CNTNAP5: variants seen among roughly 807,000 people sequenced by gnomAD.
CNTNAP5 encodes the protein contactin associated protein family member 5.
In CNTNAP5, 72 loss-of-function variants were observed where a neutral mutation model predicts 150.2. The ratio of observed to expected loss-of-function variants is 0.48; its 90% CI spans 0.40 to 0.58. The LOEUF (loss-of-function observed/expected upper bound fraction) is 0.58, where lower values mean the gene tolerates loss of function less well. Ranked by LOEUF, CNTNAP5 falls within the 20% of genes least tolerant of loss-of-function variation. CNTNAP5 has a pLI of 0.00. For synonymous variants in CNTNAP5, 672 were observed against 619.8 expected, an observed-to-expected ratio of 1.08 and a Z score of -1.25; for missense variants, 1,636 against 1,626.2, an observed-to-expected ratio of 1.01 and a Z score of -0.10.
Position 124,791,265 on chromosome 2 carries a change from C to A in CNTNAP5, c.2992+1124C>A, listed in dbSNP as rs952895082. Among the ~76,000 whole-genome samples the A allele has an allele frequency of 5.3e-5, 8 of 152,188 alleles. 1 individual carries two copies. Among genetic ancestry groups the A allele is most frequent in the Middle Eastern group, 6.3e-3 (2 of 316 alleles). ...CCGTTCATTCATACAGGGGCCTTCT[C>A]CTGAATTAGTTTGAATTACTTACTT... On this transcript the variant is annotated intron_variant, in intron 18 of 23. Coordinates refer to ENST00000682447, the MANE Select transcript of CNTNAP5 (RefSeq NM_001367498.1).
intron 12 of CNTNAP5, among the ~76,000 whole-genome samples, chr2:124,615,683 A>G (rs1677479752): frequency 6.6e-6 from 1 of 152,220 alleles, no homozygotes; most frequent in Non-Finnish European, 1.5e-5. Flanking sequence ...AATGAGATCT[A>G]CAATGGCAAA....
intron 3 of CNTNAP5, among the ~76,000 whole-genome samples, chr2:124,305,436 T>G (rs1378011834): frequency 1.3e-5 from 2 of 152,206 alleles, no homozygotes; most frequent in Non-Finnish European, 2.9e-5. Flanking sequence ...CTATAAGTTA[T>G]TAGTTTGACA....
chr2:124,519,628 C>T (rs1279864870), intron 8 of CNTNAP5, among the ~76,000 whole-genome samples: 1 of 152,184 alleles, frequency 6.6e-6, no homozygotes, highest in East Asian at 1.9e-4. Context: ...ACTTGACCTC[C>T]AGGACTATTG....
At chr2:124,648,405 C>T (rs2105028526) in intron 13 of CNTNAP5, among the ~76,000 whole-genome samples, 1 of 152,064 alleles carries the variant, frequency 6.6e-6, no homozygotes, top group South Asian at 2.1e-4. Flanking sequence ...GCCTGGATGC[C>T]TAAGGGGGCA....
intron 3 of CNTNAP5, among the ~76,000 whole-genome samples, chr2:124,377,891 G>A (rs1415883344): frequency 6.6e-6 from 1 of 152,032 alleles, no homozygotes; most frequent in East Asian, 1.9e-4. Context: ...CATCCACCCT[G>A]TAAATCTTAA....
At chr2:124,161,062 G>T (rs1164037480) in intron 1 of CNTNAP5, among the ~76,000 whole-genome samples, 1 of 152,118 alleles carries the variant, frequency 6.6e-6, no homozygotes, top group Non-Finnish European at 1.5e-5. Context: ...AGGAAGTATA[G>T]ATAATAAAGG....
At chr2:124,855,164 T>G (rs2104707537) in intron 19 of CNTNAP5, among the ~76,000 whole-genome samples, 1 of 138,800 alleles carries the variant, frequency 7.2e-6, no homozygotes, top group African/African-American at 2.9e-5. Flanking sequence ...CCTTGGGCTT[T>G]TGCTTTTTTT....
At chr2:124,222,502 G>C (rs1012620761) in intron 2 of CNTNAP5, among the ~76,000 whole-genome samples, 1 of 151,978 alleles carries the variant, frequency 6.6e-6, no homozygotes, top group African/African-American at 2.4e-5. Flanking sequence ...AATTTTTAAG[G>C]ACTTTTAGGT....
chr2:124,458,228 ATATATAT>A (rs1693166881), intron 6 of CNTNAP5, among the ~76,000 whole-genome samples: 1 of 141,956 alleles, frequency 7.0e-6, no homozygotes, highest in African/African-American at 2.6e-5. Flanking sequence ...TATATAATAA[ATATATAT>A]TATATATAAT....
chr2:124,361,542 C>T (rs937237272), intron 3 of CNTNAP5, among the ~76,000 whole-genome samples: 11 of 146,090 alleles, frequency 7.5e-5, no homozygotes, highest in African/African-American at 2.9e-4. Context: ...GGACCCTCAG[C>T]TGCAGGTCTG....
chr2:124,168,350 C>T (rs548583472), intron 1 of CNTNAP5, among the ~76,000 whole-genome samples: 241 of 152,258 alleles, frequency 1.6e-3, no homozygotes, highest in African/African-American at 5.5e-3. Flanking sequence ...CTTTATCGTG[C>T]TAATGCATAT....
chr2:124,612,574 G>A (rs1265024622), intron 12 of CNTNAP5, among the ~76,000 whole-genome samples: 1 of 152,086 alleles, frequency 6.6e-6, no homozygotes, highest in Non-Finnish European at 1.5e-5. Flanking sequence ...AGGTGAGTGT[G>A]TACTTGTATT....
chr2:124,599,626 A>G (rs1696933400), intron 11 of CNTNAP5, among the ~76,000 whole-genome samples: 1 of 152,192 alleles, frequency 6.6e-6, no homozygotes. Flanking sequence ...TTCTTTGGAG[A>G]AATAGAAGTA....
chr2:124,785,073 AAG>A (rs1189519348), intron 17 of CNTNAP5, among the ~76,000 whole-genome samples: 2 of 151,854 alleles, frequency 1.3e-5, no homozygotes, highest in African/African-American at 4.8e-5. Context: ...GAAAAAGAAA[AAG>A]AAAAAAAACC....
At chr2:124,695,278 A>G (rs988327449) in intron 13 of CNTNAP5, among the ~76,000 whole-genome samples, 27 of 152,184 alleles carry the variant, frequency 1.8e-4, no homozygotes, top group African/African-American at 4.8e-4. Context: ...CAATAGATAT[A>G]AACAATCTCA....
Position 124,918,594 on chromosome 2 carries a change from G to C in CNTNAP5, c.*4306G>C, listed in dbSNP as rs1202334337. Among the ~76,000 whole-genome samples, 1 of 152,046 alleles carries C rather than the reference G, an allele frequency of 6.6e-6. No individual in the cohort carries two copies. Among genetic ancestry groups the C allele is most frequent in the Non-Finnish European group, 1.5e-5 (1 of 67,994 alleles). ...TTGAATTTTTTCTTAGGAAAGGAAA[G>C]GTCTTGACAGACTGTTCACCAACTG... On this transcript the variant is annotated 3_prime_UTR_variant, in exon 24 of 24. Transcript: ENST00000682447.
chr2:124,339,132 C>A (rs918475231), intron 3 of CNTNAP5, among the ~76,000 whole-genome samples: 1 of 152,094 alleles, frequency 6.6e-6, no homozygotes, highest in East Asian at 1.9e-4. Flanking sequence ...AAATTTTATA[C>A]CCACCTTTAC....
intron 19 of CNTNAP5, among the ~76,000 whole-genome samples, chr2:124,815,223 A>T (rs1682337150): frequency 6.6e-6 from 1 of 152,258 alleles, no homozygotes; most frequent in South Asian, 2.1e-4. Context: ...GAGATGAATT[A>T]GCACATAGCC....
chr2:124,370,145 AG>A (rs1266723462), intron 3 of CNTNAP5, among the ~76,000 whole-genome samples: 3 of 152,206 alleles, frequency 2.0e-5, no homozygotes, highest in Non-Finnish European at 2.9e-5. Flanking sequence ...TGAGAGGAAA[AG>A]GGATTCAAAC....
Sources: allele counts gnomAD v4.1 joint callset (sites outside exome capture counted in the v4.1 genomes callset), GRCh38; gene constraint gnomAD v4.1.1; transcripts MANE v1.5; gene names NCBI Gene and HGNC (gene_info 2026-07-23, HGNC 2026-07-21).